The following RPAP2 variants were observed in gnomAD, a reference collection of about 807,000 sequenced individuals.
RPAP2 encodes the protein RNA polymerase II associated protein 2, also known as putative RNA polymerase II subunit B1 CTD phosphatase RPAP2.
A neutral mutation model predicts 73.1 loss-of-function variants in RPAP2; 52 were observed. That is an observed-to-expected ratio of 0.71 (90% CI 0.57 to 0.90). The LOEUF (loss-of-function observed/expected upper bound fraction) is 0.90, where lower values mean the gene tolerates loss of function less well. Among genes scored for constraint, RPAP2 ranks in the 40% least tolerant of loss-of-function variants. The pLI is 0.00. For missense variants in RPAP2, 598 were observed against 701.8 expected (o/e 0.85, Z 1.67); for synonymous variants, 225 against 242.1 (o/e 0.93, Z 0.65).
At position 92,398,253 on chromosome 1, in the gene RPAP2, T is replaced by C. The variant is rs1287824416; in HGVS notation, c.*11242T>C. 1 of 152,214 alleles carries C rather than the reference T, an allele frequency of 6.6e-6. No homozygotes were observed. Among genetic ancestry groups the C allele is most frequent in the African/African-American group, 2.4e-5 (1 of 41,460 alleles). The allele number at this position is 152,214 out of a possible 1,614,324, so 9.4% of individuals were successfully genotyped here. On this transcript the variant is annotated 3_prime_UTR_variant, in exon 13 of 13. Coordinates refer to ENST00000610020, the MANE Select transcript of RPAP2 (RefSeq NM_024813.3). ...ACCCTATTTATCCTGATGTGATTATTACACATTGCATGCCTGTACCAAAAT... is the reference window on the plus strand; with the variant it reads ...ACCCTATTTATCCTGATGTGATTATCACACATTGCATGCCTGTACCAAAAT...
At chr1:92,372,095 C>T (rs1655180446) in intron 11 of RPAP2, among the ~76,000 whole-genome samples, 1 of 152,068 alleles carries the variant, frequency 6.6e-6, no homozygotes, top group Non-Finnish European at 1.5e-5. Context: ...TTCAAAACAT[C>T]ATGTTGTACT....
rs534141500 is a variant in RPAP2 at position 92,316,231 on chromosome 1, G to A, written c.489-4368G>A. ...TCCAGAGTAGGGGATTTCACACGTT[G>A]CTTCTTGGCAGTAAACAGTAGAATC... On this transcript the variant is annotated intron_variant, in intron 6 of 12. Transcript: ENST00000610020. 2.6e-5 allele frequency among the ~76,000 whole-genome samples: 4 copies of A among 152,268 alleles called. No individual in the cohort carries two copies. In the South Asian group the frequency reaches 8.3e-4, roughly 32 times the overall value.
At chr1:92,382,995 A>ATAT (rs1655711666) in intron 12 of RPAP2, among the ~76,000 whole-genome samples, 1 of 152,232 alleles carries the variant, frequency 6.6e-6, no homozygotes, top group Non-Finnish European at 1.5e-5. Flanking sequence ...ATGGCTAGCC[A>ATAT]GTTTTCCCAG....
intron 10 of RPAP2, among the ~76,000 whole-genome samples, chr1:92,343,857 G>T (rs1004400743): frequency 1.3e-5 from 2 of 152,138 alleles, no homozygotes; most frequent in Admixed American, 1.3e-4. Flanking sequence ...TAATACTGTG[G>T]TCCAGATAGG....
At chr1:92,363,853 C>A (rs774291273) in intron 11 of RPAP2, 15 of 196,802 alleles carry the variant, frequency 7.6e-5, no homozygotes, top group Non-Finnish European at 1.4e-4. Context: ...TAATACATAT[C>A]CTTACATATG....
At chr1:92,334,416 A>T (rs1352396414) in intron 9 of RPAP2, among the ~76,000 whole-genome samples, 1 of 152,166 alleles carries the variant, frequency 6.6e-6, no homozygotes, top group Non-Finnish European at 1.5e-5. Flanking sequence ...ACACTAAGGA[A>T]TTGTTAATTT....
At chr1:92,348,580 A>G (rs1156261728) in intron 11 of RPAP2, among the ~76,000 whole-genome samples, 1 of 151,982 alleles carries the variant, frequency 6.6e-6, no homozygotes, top group East Asian at 1.9e-4. Flanking sequence ...CTCCTGCCCC[A>G]TATTATTTTC....
At position 92,398,612 on chromosome 1, in the gene RPAP2, A is replaced by AGG. The variant is rs1656243352; in HGVS notation, c.*11604_*11605dup. 1 of 152,314 alleles carries AGG rather than the reference A, an allele frequency of 6.6e-6. No homozygotes were observed. The highest frequency in any genetic ancestry group is 2.1e-4 in the South Asian group (1 of 4,836). The allele number at this position is 152,314 out of a possible 1,614,324, so 9.4% of individuals were successfully genotyped here. A position where few individuals can be genotyped will look rare whatever the true frequency, so the allele number is the denominator to read the frequency against. ...TTGGACTGAGGGTGGGGCAAGGAGC[A>AGG]GGGGTGACTTTCATCTGAAATGTAC... On this transcript the variant is annotated 3_prime_UTR_variant, in exon 13 of 13. Transcript: ENST00000610020.
Position 92,304,310 on chromosome 1 carries a change from T to C in RPAP2, c.360T>C (p.Ser120=). 6.6e-7 allele frequency: 1 copy of C among 1,511,456 alleles called. No individual in the cohort carries two copies. Among genetic ancestry groups the C allele is most frequent in the Non-Finnish European group, 9.1e-7 (1 of 1,096,856 alleles). 93.6% of individuals were successfully genotyped at this position (1,511,456 alleles called of 1,614,324 possible). A position where few individuals can be genotyped will look rare whatever the true frequency, so the allele number is the denominator to read the frequency against. Residue 120 remains serine (S), a synonymous_variant, in exon 5 of 13, where the codon TCT becomes TCC. Coordinates refer to ENST00000610020, the MANE Select transcript of RPAP2 (RefSeq NM_024813.3). ...TACCAAAACAGAAATATAAAATTTC[T>C]ACCAAAACCAATAAAGTCTATGATA... ...GIVPKQKYKI[S]TKTNKVYDIT... is the part of the protein sequence containing the mutation.
chr1:92,363,271 A>G (rs2101392323), intron 11 of RPAP2, among the ~76,000 whole-genome samples: 1 of 152,210 alleles, frequency 6.6e-6, no homozygotes, highest in African/African-American at 2.4e-5. Flanking sequence ...CGGTATGGAG[A>G]AGGAGCCAAT....
chr1:92,300,522 C>T (rs1650758757), intron 2 of RPAP2, among the ~76,000 whole-genome samples: 1 of 152,132 alleles, frequency 6.6e-6, no homozygotes, highest in Non-Finnish European at 1.5e-5. Context: ...CCTTTTATTG[C>T]TTTATATGCC....
At chr1:92,379,365 G>C (rs185156260) in intron 11 of RPAP2, among the ~76,000 whole-genome samples, 10 of 152,186 alleles carry the variant, frequency 6.6e-5, no homozygotes, top group Admixed American at 6.5e-4. Flanking sequence ...AATGTAACTT[G>C]TAAGAACTCT....
intron 11 of RPAP2, among the ~76,000 whole-genome samples, chr1:92,358,041 G>C (rs10782838): frequency 0.84 from 128,079 of 152,186 alleles, 54,119 homozygotes; most frequent in East Asian, 1. Context: ...ATCCTCCCTT[G>C]ATGTAAGTTT....
chr1:92,321,064 C>A (rs1468680421), intron 7 of RPAP2, among the ~76,000 whole-genome samples: 1 of 152,204 alleles, frequency 6.6e-6, no homozygotes, highest in East Asian at 1.9e-4. Flanking sequence ...TTGTGATTTT[C>A]TTTCTAAACT....
At chr1:92,350,239 T>C (rs1455057577) in intron 11 of RPAP2, among the ~76,000 whole-genome samples, 1 of 152,212 alleles carries the variant, frequency 6.6e-6, no homozygotes, top group East Asian at 1.9e-4. Flanking sequence ...GCACTATACA[T>C]TTATGAAGGA....
rs1170742036 is a variant in RPAP2 at position 92,388,332 on chromosome 1, G to C, written c.*1321G>C. ...GAGGCAGGAGGACTGCTTGAGCCCA[G>C]GAGTTCAAGACCAGCCTGGGCAACA... On this transcript the variant is annotated 3_prime_UTR_variant, in exon 13 of 13. Coordinates refer to ENST00000610020, the MANE Select transcript of RPAP2 (RefSeq NM_024813.3). 5 of 152,274 alleles carry C rather than the reference G, an allele frequency of 3.3e-5. No homozygotes were observed. The highest frequency in any genetic ancestry group is 7.3e-5 in the Non-Finnish European group (5 of 68,132). 9.4% of individuals were successfully genotyped at this position (152,274 alleles called of 1,614,324 possible).
At position 92,389,714 on chromosome 1, in the gene RPAP2, C is replaced by G. The variant is rs1394717211; in HGVS notation, c.*2703C>G. On this transcript the variant is annotated 3_prime_UTR_variant, in exon 13 of 13. Coordinates refer to ENST00000610020, the MANE Select transcript of RPAP2 (RefSeq NM_024813.3). Reference sequence around the variant, plus strand: ...GAAGAGCTTAAATGACCTGATGGAGCTGAAAACCACAGTACGGGAACTTCG... The same window carrying G: ...GAAGAGCTTAAATGACCTGATGGAGGTGAAAACCACAGTACGGGAACTTCG... 1 of 152,080 alleles carries G rather than the reference C, an allele frequency of 6.6e-6. No individual in the cohort carries two copies. Among genetic ancestry groups the G allele is most frequent in the Non-Finnish European group, 1.5e-5 (1 of 68,036 alleles). 9.4% of individuals were successfully genotyped at this position (152,080 alleles called of 1,614,324 possible).
chr1:92,299,860 A>C, intron 1 of RPAP2, among the ~76,000 whole-genome samples: 1 of 152,178 alleles, frequency 6.6e-6, no homozygotes, highest in Non-Finnish European at 1.5e-5. Flanking sequence ...GACCTGACCT[A>C]CTGCCACCAT....
In RPAP2 at chr1:92,399,542, C is replaced by G. The variant is rs1656264825; in HGVS notation, c.*12531C>G. The stretch of plus-strand genomic sequence containing the variant: ...CCCTACCTTACTGGGGTCATACAGC[C>G]AAAGCAGTGTCCACTTCAGGTACTG... On this transcript the variant is annotated 3_prime_UTR_variant, in exon 13 of 13. Transcript: ENST00000610020. The G allele has an allele frequency of 6.6e-6, 1 of 152,136 alleles. No individual in the cohort carries two copies. Among genetic ancestry groups the G allele is most frequent in the Non-Finnish European group, 1.5e-5 (1 of 68,036 alleles). 9.4% of individuals were successfully genotyped at this position (152,136 alleles called of 1,614,324 possible). A position where few individuals can be genotyped will look rare whatever the true frequency, so the allele number is the denominator to read the frequency against.
Sources: gnomAD v4.1 joint callset for allele counts (sites outside exome capture counted in the v4.1 genomes callset) on GRCh38, gnomAD v4.1.1 for gene constraint, MANE v1.5 for transcripts, NCBI Gene and HGNC (gene_info 2026-07-23, HGNC 2026-07-21) for gene names.